The following ALCAM variants were observed in gnomAD, a reference collection of about 807,000 sequenced individuals.
ALCAM encodes the protein activated leukocyte cell adhesion molecule.
ALCAM carries 30 observed loss-of-function variants against 70.9 expected under a neutral mutation model. The ratio of observed to expected loss-of-function variants is 0.42; its 90% CI spans 0.32 to 0.57. The LOEUF is 0.57. ALCAM is among the 20% of genes least tolerant of loss of function. The pLI, the probability that ALCAM is intolerant of heterozygous loss-of-function variation, is 0.11. For synonymous variants in ALCAM, 249 were observed against 242.5 expected (o/e 1.03, Z -0.25); for missense variants, 591 against 695.1 (o/e 0.85, Z 1.68).
chr3:105,382,209 C>G (rs2107336441), intron 1 of ALCAM, among the ~76,000 whole-genome samples: 1 of 151,446 alleles, frequency 6.6e-6, no homozygotes, highest in African/African-American at 2.4e-5. Flanking sequence ...TTGTCCTTGC[C>G]ATAGTTTACT....
chr3:105,534,114 C>A lies in ALCAM; in HGVS notation c.547+424C>A, dbSNP rs564964780. Among the ~76,000 whole-genome samples the A allele has an allele frequency of 8.6e-4, 131 of 152,134 alleles. 1 individual carries two copies. The Middle Eastern group carries it at 0.01, about 12-fold the overall frequency. ...AGCAGGATTTGCATTCCTGTAAGAACGTAATTCCACAACTGATCTGACAGG... is the reference window on the plus strand; with the variant it reads ...AGCAGGATTTGCATTCCTGTAAGAAAGTAATTCCACAACTGATCTGACAGG... On this transcript the variant is annotated intron_variant, in intron 5 of 15. Transcript: ENST00000306107.
intron 1 of ALCAM, among the ~76,000 whole-genome samples, chr3:105,443,702 G>T (rs1423937984): frequency 2.0e-5 from 3 of 151,988 alleles, no homozygotes; most frequent in Admixed American, 1.3e-4. Flanking sequence ...ACTTAAAAAG[G>T]CACAGGCAGG....
At chr3:105,544,594 A>G (rs1303809016) in intron 8 of ALCAM, 1 of 153,686 alleles carries the variant, frequency 6.5e-6, no homozygotes, top group East Asian at 1.9e-4. Flanking sequence ...TGCATCTCTC[A>G]TCAGTGCTTG....
intron 1 of ALCAM, among the ~76,000 whole-genome samples, chr3:105,515,724 GT>G (rs1463982205): frequency 6.6e-6 from 1 of 152,012 alleles, no homozygotes; most frequent in Non-Finnish European, 1.5e-5. Flanking sequence ...TAGTGACCAG[GT>G]TGAGAAACAC....
At chr3:105,554,727 A>G (rs922901746) in intron 14 of ALCAM, among the ~76,000 whole-genome samples, 1 of 151,910 alleles carries the variant, frequency 6.6e-6, no homozygotes, top group Admixed American at 6.6e-5. Context: ...GCCCAGAGGC[A>G]ACATCCATTT....
At chr3:105,522,584 C>T (rs964329587) in intron 2 of ALCAM, among the ~76,000 whole-genome samples, 2 of 152,144 alleles carry the variant, frequency 1.3e-5, no homozygotes, top group Non-Finnish European at 2.9e-5. Flanking sequence ...TCCTCCCAAC[C>T]CTACTCCTGA....
chr3:105,446,253 G>A (rs996125008), intron 1 of ALCAM, among the ~76,000 whole-genome samples: 6 of 152,032 alleles, frequency 3.9e-5, no homozygotes, highest in South Asian at 2.1e-4. Context: ...TCAGGGAAAA[G>A]CAAATCAAAA....
chr3:105,489,948 C>T (rs1244993210), intron 1 of ALCAM, among the ~76,000 whole-genome samples: 2 of 152,208 alleles, frequency 1.3e-5, no homozygotes, highest in Non-Finnish European at 2.9e-5. Flanking sequence ...TTATTTTTCA[C>T]ATTCCAGTCA....
At chr3:105,496,111 C>G (rs1010237032) in intron 1 of ALCAM, among the ~76,000 whole-genome samples, 2 of 152,146 alleles carry the variant, frequency 1.3e-5, no homozygotes, top group African/African-American at 4.8e-5. Context: ...AGGCCTTTTT[C>G]ATATGTGAAA....
intron 14 of ALCAM, among the ~76,000 whole-genome samples, chr3:105,559,641 G>A (rs1940592515): frequency 1.3e-5 from 2 of 152,020 alleles, no homozygotes; most frequent in African/African-American, 4.8e-5. Context: ...TCAGTATATA[G>A]CAGTGACTAC....
chr3:105,562,009 G>A (rs1206293658), intron 14 of ALCAM, among the ~76,000 whole-genome samples: 1 of 152,196 alleles, frequency 6.6e-6, no homozygotes, highest in African/African-American at 2.4e-5. Flanking sequence ...CCTCCAGCCT[G>A]TCTCCTCCTC....
chr3:105,537,781 T>C (rs1940010119), intron 6 of ALCAM, among the ~76,000 whole-genome samples: 1 of 152,120 alleles, frequency 6.6e-6, no homozygotes, highest in South Asian at 2.1e-4. Flanking sequence ...ATTATTAAGT[T>C]TGGTGTCTTT....
intron 14 of ALCAM, among the ~76,000 whole-genome samples, chr3:105,564,740 G>A (rs1225793681): frequency 6.6e-6 from 1 of 152,190 alleles, no homozygotes; most frequent in Non-Finnish European, 1.5e-5. Flanking sequence ...ATGCAAACCT[G>A]TAGTCCTAGC....
chr3:105,556,917 T>A (rs533697637), intron 14 of ALCAM, among the ~76,000 whole-genome samples: 2 of 152,206 alleles, frequency 1.3e-5, no homozygotes, highest in East Asian at 3.9e-4. Context: ...TTTTTGGTTA[T>A]TTTTTACTGA....
At chr3:105,429,450 A>G (rs957343032) in intron 1 of ALCAM, among the ~76,000 whole-genome samples, 5 of 152,034 alleles carry the variant, frequency 3.3e-5, no homozygotes, top group Admixed American at 2.6e-4. Context: ...TATTAAAGGT[A>G]ATGACCTGGT....
At chr3:105,554,802 C>A (rs1940481849) in intron 14 of ALCAM, among the ~76,000 whole-genome samples, 1 of 151,892 alleles carries the variant, frequency 6.6e-6, no homozygotes, top group Non-Finnish European at 1.5e-5. Flanking sequence ...CCTTTATAAT[C>A]CATGATAATT....
intron 1 of ALCAM, among the ~76,000 whole-genome samples, chr3:105,487,207 G>T (rs1347738044): frequency 6.6e-6 from 1 of 152,008 alleles, no homozygotes; most frequent in East Asian, 1.9e-4. Flanking sequence ...TGGATAACAA[G>T]GATCCGTCCC....
intron 1 of ALCAM, among the ~76,000 whole-genome samples, chr3:105,493,940 T>G: frequency 6.6e-6 from 1 of 152,256 alleles, no homozygotes; most frequent in East Asian, 2.0e-4. Flanking sequence ...GTTTAGGATA[T>G]TTTAAGTAGC....
chr3:105,520,280 G>A, intron 2 of ALCAM, 113 bp downstream of exon 2: 1 of 711,000 alleles, frequency 1.4e-6, no homozygotes, highest in Non-Finnish European at 2.4e-6. Flanking sequence ...TAAACTGTGA[G>A]TACAAATGTA....
Sources: allele counts gnomAD v4.1 joint callset (sites outside exome capture counted in the v4.1 genomes callset), GRCh38; gene constraint gnomAD v4.1.1; transcripts MANE v1.5; gene names NCBI Gene and HGNC (gene_info 2026-07-23, HGNC 2026-07-21).